PTPRD: variants seen among roughly 807,000 people sequenced by gnomAD.
PTPRD encodes the protein protein tyrosine phosphatase receptor type D.
A neutral mutation model predicts 214.5 loss-of-function variants in PTPRD; 34 were observed. That is an observed-to-expected ratio of 0.16 (90% CI 0.12 to 0.21). PTPRD has a LOEUF of 0.21. PTPRD is among the 10% of genes least tolerant of loss of function. PTPRD has a pLI of 1.00. For missense variants in PTPRD, 2,545 were observed against 2,398.7 expected, an observed-to-expected ratio of 1.06 and a Z score of -1.27; for synonymous variants, 1,128 against 845.7, an observed-to-expected ratio of 1.33 and a Z score of -5.79.
chr9:10,499,246 T>A (rs1022238269), intron 2 of PTPRD, among the ~76,000 whole-genome samples: 8 of 151,956 alleles, frequency 5.3e-5, no homozygotes, highest in African/African-American at 1.9e-4. Flanking sequence ...GTCCTCATTG[T>A]TCAACTCCCA....
At chr9:10,026,223 T>G (rs1589190556) in intron 4 of PTPRD, among the ~76,000 whole-genome samples, 1 of 152,278 alleles carries the variant, frequency 6.6e-6, no homozygotes, top group African/African-American at 2.4e-5. Flanking sequence ...ATTCTAAAAC[T>G]GCCTTTGGCT....
At chr9:9,903,919 T>G (rs1211801409) in intron 5 of PTPRD, among the ~76,000 whole-genome samples, 1 of 152,156 alleles carries the variant, frequency 6.6e-6, no homozygotes, top group Non-Finnish European at 1.5e-5. Context: ...AATCAACTAA[T>G]AGGGTCATTG....
intron 3 of PTPRD, among the ~76,000 whole-genome samples, chr9:10,109,490 T>C (rs951753603): frequency 3.3e-5 from 5 of 152,180 alleles, no homozygotes; most frequent in African/African-American, 4.8e-5. Context: ...CTACTTTAAA[T>C]AAATGCCTTC....
At chr9:9,852,589 C>T (rs1203249548) in intron 5 of PTPRD, among the ~76,000 whole-genome samples, 2 of 151,876 alleles carry the variant, frequency 1.3e-5, no homozygotes, top group African/African-American at 4.8e-5. Flanking sequence ...ATATAATTAT[C>T]ACTCCCTCAT....
chr9:9,564,000 G>A (rs1403847817), intron 8 of PTPRD, among the ~76,000 whole-genome samples: 2 of 152,100 alleles, frequency 1.3e-5, no homozygotes, highest in African/African-American at 4.8e-5. Context: ...AGGTTCAACT[G>A]AGTAGGTGAG....
At chr9:10,148,958 T>C (rs777703392) in intron 3 of PTPRD, among the ~76,000 whole-genome samples, 4 of 152,186 alleles carry the variant, frequency 2.6e-5, no homozygotes, top group Non-Finnish European at 5.9e-5. Context: ...GAGAGTGTGA[T>C]ATGTGAGAAC....
At chr9:10,028,271 AC>A (rs2096970295) in intron 4 of PTPRD, among the ~76,000 whole-genome samples, 1 of 152,166 alleles carries the variant, frequency 6.6e-6, no homozygotes, top group African/African-American at 2.4e-5. Context: ...AGTCTATTAA[AC>A]CTTTTTCTTT....
At chr9:10,214,566 G>A (rs192773750) in intron 3 of PTPRD, among the ~76,000 whole-genome samples, 1 of 151,012 alleles carries the variant, frequency 6.6e-6, no homozygotes, top group African/African-American at 2.4e-5. Flanking sequence ...CCGAGCTATT[G>A]CACCCAGCCA....
At chr9:9,388,006 T>C (rs961750791) in intron 9 of PTPRD, among the ~76,000 whole-genome samples, 1 of 152,190 alleles carries the variant, frequency 6.6e-6, no homozygotes, top group African/African-American at 2.4e-5. Context: ...GAGGGATTTC[T>C]GTATCCCGGA....
At chr9:8,328,836 T>C (rs1836702748) in intron 44 of PTPRD, among the ~76,000 whole-genome samples, 2 of 152,134 alleles carry the variant, frequency 1.3e-5, no homozygotes, top group Admixed American at 1.3e-4. Flanking sequence ...GATACTTGCG[T>C]ATGCTTCACG....
chr9:9,982,299 A>T (rs1249532347), intron 4 of PTPRD, among the ~76,000 whole-genome samples: 1 of 152,220 alleles, frequency 6.6e-6, no homozygotes, highest in Non-Finnish European at 1.5e-5. Flanking sequence ...CATATTTTCC[A>T]TATGGATGTA....
chr9:9,951,000 G>C (rs192603955), intron 4 of PTPRD, among the ~76,000 whole-genome samples: 110 of 152,228 alleles, frequency 7.2e-4, no homozygotes, highest in African/African-American at 2.5e-3. Context: ...TTACTCACTG[G>C]TATGAAAGTA....
At chr9:8,888,540 C>A (rs2098510811) in intron 11 of PTPRD, among the ~76,000 whole-genome samples, 1 of 152,122 alleles carries the variant, frequency 6.6e-6, no homozygotes, top group Admixed American at 6.6e-5. Flanking sequence ...TCGTGTGAAA[C>A]CAAAATTCAT....
Position 8,452,675 on chromosome 9 carries a change from TG to T in PTPRD, c.3876-2839del, listed in dbSNP as rs200617349. 5.3e-3 allele frequency among the ~76,000 whole-genome samples: 809 copies of T among 152,324 alleles called. 5 individuals carry two copies. The highest frequency in any genetic ancestry group is 0.017 in the African/African-American group (727 of 41,576). ...AACTATCTACTATGTGGAGGAGTTA[TG>T]TAGGTGAAAAGGAAATGGAAGATCA... is the stretch of plus-strand genomic sequence containing the variant. On this transcript the variant is annotated intron_variant, in intron 33 of 45. Coordinates refer to ENST00000381196, the MANE Select transcript of PTPRD (RefSeq NM_002839.4).
At chr9:9,322,693 T>C (rs1459691813) in intron 9 of PTPRD, among the ~76,000 whole-genome samples, 2 of 152,158 alleles carry the variant, frequency 1.3e-5, no homozygotes, top group Non-Finnish European at 2.9e-5. Flanking sequence ...ACACTCTAGA[T>C]CCTTGGTATG....
At chr9:9,256,346 A>T (rs900940139) in intron 9 of PTPRD, among the ~76,000 whole-genome samples, 1 of 151,946 alleles carries the variant, frequency 6.6e-6, no homozygotes, top group African/African-American at 2.4e-5. Flanking sequence ...CATTTCTTTT[A>T]TCTCCACCTC....
intron 11 of PTPRD, among the ~76,000 whole-genome samples, chr9:9,004,122 A>G (rs17587560): frequency 0.29 from 44,397 of 151,880 alleles, 6,824 homozygotes; most frequent in African/African-American, 0.39. Flanking sequence ...GTTGTTTGAA[A>G]GAATTTAAGG....
chr9:8,336,279 G>T (rs1365775722), intron 43 of PTPRD, among the ~76,000 whole-genome samples: 1 of 148,730 alleles, frequency 6.7e-6, no homozygotes, highest in Non-Finnish European at 1.5e-5. Context: ...CAGAACAGAG[G>T]CCTCAGAAGT....
chr9:9,140,903 C>T (rs1569552135), intron 10 of PTPRD, among the ~76,000 whole-genome samples: 3 of 152,112 alleles, frequency 2.0e-5, no homozygotes, highest in Admixed American at 1.3e-4. Context: ...TTTAACAACT[C>T]CCATTTCTTT....
Sources: allele counts gnomAD v4.1 joint callset (sites outside exome capture counted in the v4.1 genomes callset), GRCh38; gene constraint gnomAD v4.1.1; transcripts MANE v1.5; gene names NCBI Gene and HGNC (gene_info 2026-07-23, HGNC 2026-07-21).